The following TNS3 variants were observed in gnomAD, a reference collection of about 807,000 sequenced individuals.
The protein encoded by TNS3 is tensin-3.
In TNS3, 45 loss-of-function variants were observed where a neutral mutation model predicts 140.9. The ratio of observed to expected loss-of-function variants is 0.32; its 90% CI spans 0.25 to 0.41. The LOEUF (loss-of-function observed/expected upper bound fraction) is 0.41. Among genes scored for constraint, TNS3 ranks in the 10% least tolerant of loss-of-function variants. The pLI is 1.00. For missense variants in TNS3, 1,716 were observed against 1,906.7 expected (o/e 0.90, Z 1.86); for synonymous variants, 815 against 788.4 (o/e 1.03, Z -0.56).
intron 30 of TNS3, chr7:47,278,530 C>A: frequency 3.6e-6 from 1 of 279,962 alleles, no homozygotes; most frequent in Non-Finnish European, 6.7e-6. Flanking sequence ...AGATGCTTCC[C>A]CACGCCAGGG....
intron 4 of TNS3, among the ~76,000 whole-genome samples, chr7:47,454,275 C>T (rs549107697): frequency 2.0e-5 from 3 of 152,330 alleles, no homozygotes; most frequent in South Asian, 4.1e-4. Context: ...CTTCCTGCCA[C>T]CTGCCCACCA....
At chr7:47,322,213 C>CAAAAAAAAAAAAAA (rs759875153) in intron 20 of TNS3, among the ~76,000 whole-genome samples, 1 of 49,918 alleles carries the variant, frequency 2.0e-5, no homozygotes, top group Non-Finnish European at 3.7e-5. Context: ...GTAGAACGGG[C>CAAAAAAAAAAAAAA]AAAAAAAAAA....
rs1255773306 is a variant in TNS3 at position 47,343,626 on chromosome 7, T to C, written c.2650+1129A>G. ...AGGGACATCCCTCTTTCTGCATCTA[T>C]TGAAATGATAAAAAATATAGAACAG... On this transcript the variant is annotated intron_variant, in intron 20 of 30. Transcript: ENST00000311160. 3.9e-5 allele frequency among the ~76,000 whole-genome samples: 6 copies of C among 152,216 alleles called. No homozygotes were observed. The East Asian group carries it at 1.2e-3, about 29-fold the overall frequency.
At chr7:47,484,673 C>T (rs888577463) in intron 3 of TNS3, among the ~76,000 whole-genome samples, 37 of 152,210 alleles carry the variant, frequency 2.4e-4, no homozygotes, top group African/African-American at 8.7e-4. Flanking sequence ...TGCTGGAGCG[C>T]ACACAGCTCT....
chr7:47,332,245 A>T lies in TNS3; in HGVS notation c.2650+12510T>A, dbSNP rs555202914. ...CAGGCTGCTGTCTAGAGGGGATGGA[A>T]CTGTGGGGAGGTGGATTACAAGGTG... On this transcript the variant is annotated intron_variant, in intron 20 of 30. Transcript: ENST00000311160. 3.3e-5 allele frequency among the ~76,000 whole-genome samples: 5 copies of T among 152,338 alleles called. No homozygotes were observed. The East Asian group carries it at 9.6e-4, about 29-fold the overall frequency.
chr7:47,453,791 G>A (rs1321441064), intron 4 of TNS3, among the ~76,000 whole-genome samples: 1 of 152,142 alleles, frequency 6.6e-6, no homozygotes, highest in Admixed American at 6.5e-5. Flanking sequence ...ATAGAGTCCC[G>A]GACCTGCCCG....
Position 47,361,206 on chromosome 7 carries a change from C to CAAAAAAAAAAAAAAAAAAAAAAAAAAAAA in TNS3, c.2281+7158_2281+7159insTTTTTTTTTTTTTTTTTTTTTTTTTTTTT. On this transcript the variant is annotated intron_variant, in intron 17 of 30. Coordinates refer to ENST00000311160, the MANE Select transcript of TNS3 (RefSeq NM_022748.12). ...TCTTCTGGTAAGACAGTAACCATGC[C>CAAAAAAAAAAAAAAAAAAAAAAAAAAAAA]AAAAAAAAAAAAAAAAAACAAGCAA... 4.9e-3 allele frequency among the ~76,000 whole-genome samples: 232 copies of CAAAAAAAAAAAAAAAAAAAAAAAAAAAAA among 47,140 alleles called. 62 individuals carry two copies. Among genetic ancestry groups the CAAAAAAAAAAAAAAAAAAAAAAAAAAAAA allele is most frequent in the Non-Finnish European group, 8.5e-3 (183 of 21,656 alleles). The allele number at this position is 47,140 out of a possible 152,430, so 30.9% of individuals were successfully genotyped here. A position where few individuals can be genotyped will look rare whatever the true frequency, so the allele number is the denominator to read the frequency against.
At chr7:47,568,535 G>T (rs2152011434) in intron 1 of TNS3, among the ~76,000 whole-genome samples, 1 of 152,350 alleles carries the variant, frequency 6.6e-6, no homozygotes, top group South Asian at 2.1e-4. Flanking sequence ...ATGAGTGAGT[G>T]AATGAATGAA....
At position 47,578,661 on chromosome 7, in the gene TNS3, G is replaced by A. The variant is rs184097822; in HGVS notation, c.-265+3390C>T. Among the ~76,000 whole-genome samples, 5 of 152,304 alleles carry A rather than the reference G, an allele frequency of 3.3e-5. No homozygotes were observed. The East Asian group carries it at 7.7e-4, about 24-fold the overall frequency. On this transcript the variant is annotated intron_variant, in intron 1 of 30. Coordinates refer to ENST00000311160, the MANE Select transcript of TNS3 (RefSeq NM_022748.12). Reference sequence around the variant, plus strand: ...CGCCATGCAGACAATGGAGACACCCGAGGGACCCTGAGCTCAGCACTACAT... The same window carrying A: ...CGCCATGCAGACAATGGAGACACCCAAGGGACCCTGAGCTCAGCACTACAT...
chr7:47,499,260 C>T (rs1318440948), intron 3 of TNS3, among the ~76,000 whole-genome samples: 1 of 152,190 alleles, frequency 6.6e-6, no homozygotes, highest in Non-Finnish European at 1.5e-5. Flanking sequence ...CAGGTATAAA[C>T]ATGCCTCTAG....
At chr7:47,327,117 C>T (rs985939747) in intron 20 of TNS3, among the ~76,000 whole-genome samples, 3 of 152,222 alleles carry the variant, frequency 2.0e-5, no homozygotes, top group African/African-American at 4.8e-5. Flanking sequence ...GTGCTACCCC[C>T]AGTGCCTGGC....
At chr7:47,346,404 A>G in intron 17 of TNS3, 48 bp from the exon 18 acceptor site, 1 of 1,603,294 alleles carries the variant, frequency 6.2e-7, no homozygotes, top group South Asian at 1.1e-5. Context: ...CTCAAGGCGG[A>G]GTGAGGCGCC....
rs1334788076 is a variant in TNS3 at position 47,369,076 on chromosome 7, C to T, written c.1570G>A (p.Gly524Ser). The part of the protein sequence containing the change: ...KSSQNSLLSD[G>S]FGSNVGEDPQ... Reference sequence around the variant, plus strand: ...TCTTCACCAACGTTGCTGCCAAAACCGTCAGATAGGAGTGAGTTCTGGCTG... The same window carrying T: ...TCTTCACCAACGTTGCTGCCAAAACTGTCAGATAGGAGTGAGTTCTGGCTG... Residue 524 changes from glycine (G) to serine (S), a missense_variant, in exon 17 of 31, where the codon GGT becomes AGT. Around this residue, in one of 3 missense-constraint regions of TNS3, gnomAD observed 1,163 missense variants for 1,182.1 expected, o/e 0.98. Coordinates refer to ENST00000311160, the MANE Select transcript of TNS3 (RefSeq NM_022748.12). 14 of 1,613,990 alleles carry T rather than the reference C, an allele frequency of 8.7e-6. No homozygotes were observed. The highest frequency in any genetic ancestry group is 1.6e-4 in the Middle Eastern group (1 of 6,084).
At position 47,481,473 on chromosome 7, in the gene TNS3, G is replaced by A. The variant is rs542420440; in HGVS notation, c.-114-332C>T. Among the ~76,000 whole-genome samples, 232 of 152,294 alleles carry A rather than the reference G, an allele frequency of 1.5e-3. 1 individual carries two copies. The highest frequency in any genetic ancestry group is 4.4e-3 in the Admixed American group (68 of 15,306). ...AGGATGGAAACCTCTGAGTCGGTCC[G>A]TGCTTGGGGAGCTTGGGAGCGGGGC... On this transcript the variant is annotated intron_variant, in intron 3 of 30. Coordinates refer to ENST00000311160, the MANE Select transcript of TNS3 (RefSeq NM_022748.12).
rs571567406 is a variant in TNS3 at position 47,523,620 on chromosome 7, A to G, written c.-153+5416T>C. ...AGTGGGGGTCCCTCCTCGGGGATGG[A>G]GCCTGCAAGTGCTCCCTGAAGGGCG... On this transcript the variant is annotated intron_variant, in intron 2 of 30. Coordinates refer to ENST00000311160, the MANE Select transcript of TNS3 (RefSeq NM_022748.12). 2.6e-5 allele frequency among the ~76,000 whole-genome samples: 4 copies of G among 152,288 alleles called. No individual in the cohort carries two copies. In the South Asian group the frequency reaches 8.3e-4, roughly 32 times the overall value.
At chr7:47,426,667 A>G (rs887375926) in intron 9 of TNS3, among the ~76,000 whole-genome samples, 2 of 152,188 alleles carry the variant, frequency 1.3e-5, no homozygotes, top group South Asian at 2.1e-4. Context: ...TGCCTGACAC[A>G]TGCAGCTGAA....
chr7:47,318,916 G>A (rs1208907906), intron 20 of TNS3, among the ~76,000 whole-genome samples: 2 of 152,242 alleles, frequency 1.3e-5, no homozygotes, highest in African/African-American at 4.8e-5. Context: ...CTTGTCCACA[G>A]GACAGGAAGT....
chr7:47,530,938 G>A (rs547386042), intron 1 of TNS3, among the ~76,000 whole-genome samples: 27 of 148,610 alleles, frequency 1.8e-4, no homozygotes, highest in South Asian at 2.2e-4. Context: ...CAAAGAGAAA[G>A]ATCTTAAAAA....
intron 4 of TNS3, among the ~76,000 whole-genome samples, chr7:47,461,936 C>G (rs1259145018): frequency 6.6e-6 from 1 of 152,122 alleles, no homozygotes; most frequent in Non-Finnish European, 1.5e-5. Flanking sequence ...CTGAGGAACC[C>G]CAAATGGGAA....
Sources: allele counts gnomAD v4.1 joint callset (sites outside exome capture counted in the v4.1 genomes callset), GRCh38; gene constraint gnomAD v4.1.1; regional missense constraint gnomAD v4.1.1; transcripts MANE v1.5; gene names NCBI Gene and HGNC (gene_info 2026-07-23, HGNC 2026-07-21).